Variants in XXYLT1 observed in about 807,000 individuals in gnomAD.
The protein encoded by XXYLT1 is UDP-xylose:alpha-xyloside alpha-1,3-xylosyltransferase.
In XXYLT1, 20 loss-of-function variants were observed where a neutral mutation model predicts 28.9. The ratio of observed to expected loss-of-function variants is 0.69; its 90% CI spans 0.49 to 1.00. The LOEUF (loss-of-function observed/expected upper bound fraction) is 1.00. XXYLT1 is among the 50% of genes least tolerant of loss of function. The pLI, the probability that XXYLT1 is intolerant of heterozygous loss-of-function variation, is 0.00. For missense variants in XXYLT1, 542 were observed against 560.1 expected (o/e 0.97, Z 0.33); for synonymous variants, 257 against 253.8 (o/e 1.01, Z -0.12).
At chr3:195,106,331 CTTG>C (rs1220989187) in intron 3 of XXYLT1, among the ~76,000 whole-genome samples, 5 of 152,206 alleles carry the variant, frequency 3.3e-5, no homozygotes, top group Admixed American at 6.5e-5. Flanking sequence ...GAGAGATGCT[CTTG>C]TTGTGTTTTT....
At position 195,176,883 on chromosome 3, in the gene XXYLT1, C is replaced by G. The variant is rs931211900; in HGVS notation, c.653-20302G>C. ...AGGTGATCTGAGAGGTAGGACAAGG[C>G]CGACTCCTTGGAACCAGCAAGAAAC... On this transcript the variant is annotated intron_variant, in intron 2 of 3. Transcript: ENST00000310380. The surrounding 1 kb of genome is among the most constrained non-coding windows in gnomAD (Gnocchi z 4.9). Among the ~76,000 whole-genome samples, 2 of 152,224 alleles carry G rather than the reference C, an allele frequency of 1.3e-5. No homozygotes were observed. The highest frequency in any genetic ancestry group is 4.8e-5 in the African/African-American group (2 of 41,458).
chr3:195,271,043 C>G lies in XXYLT1; in HGVS notation c.16G>C (p.Gly6Arg). The G allele has an allele frequency of 6.9e-7, 1 of 1,447,774 alleles. No homozygotes were observed. The highest frequency in any genetic ancestry group is 9.0e-7 in the Non-Finnish European group (1 of 1,105,058). The allele number at this position is 1,447,774 out of a possible 1,614,324, so 89.7% of individuals were successfully genotyped here. The change falls in exon 1 of 4, where the codon GGC becomes CGC. Residue 6 changes from glycine (G) to arginine (R), a missense_variant. Gly to Arg is a moderately radical substitution (Grantham distance 125, BLOSUM62 -2). Transcript: ENST00000310380. MGLLR[G>R]GLPCARAMAR... ...ATGGCCCGAGCGCATGGGAGCCCGCCTCGGAGGAGGCCCATGCGCTACGAG... is the reference window on the plus strand; with the variant it reads ...ATGGCCCGAGCGCATGGGAGCCCGCGTCGGAGGAGGCCCATGCGCTACGAG...
chr3:195,237,851 A>T (rs994651761), intron 1 of XXYLT1, among the ~76,000 whole-genome samples: 1 of 151,992 alleles, frequency 6.6e-6, no homozygotes, highest in African/African-American at 2.4e-5. Flanking sequence ...CAGACACAGA[A>T]TCCAGACCAG....
intron 2 of XXYLT1, among the ~76,000 whole-genome samples, chr3:195,196,620 A>G (rs1405053839): frequency 6.6e-6 from 1 of 152,208 alleles, no homozygotes; most frequent in Non-Finnish European, 1.5e-5. Context: ...GGGAGGGAGA[A>G]AGGAGGCCTC....
intron 3 of XXYLT1, among the ~76,000 whole-genome samples, chr3:195,081,225 A>AG (rs1715415200): frequency 6.6e-6 from 1 of 152,154 alleles, no homozygotes; most frequent in Admixed American, 6.5e-5. Context: ...CACTAAAAAA[A>AG]AAAAAGCGTT....
At chr3:195,128,121 C>T (rs1363651955) in intron 3 of XXYLT1, among the ~76,000 whole-genome samples, 1 of 152,188 alleles carries the variant, frequency 6.6e-6, no homozygotes, top group Non-Finnish European at 1.5e-5. Flanking sequence ...GGCCACACCA[C>T]TGGTGGGAGG....
At chr3:195,130,551 G>A (rs1167928446) in intron 3 of XXYLT1, among the ~76,000 whole-genome samples, 1 of 152,234 alleles carries the variant, frequency 6.6e-6, no homozygotes, top group Admixed American at 6.5e-5. Flanking sequence ...TACGGGTGAA[G>A]TGTAGATCAG....
At chr3:195,084,549 T>C (rs529703658) in intron 3 of XXYLT1, among the ~76,000 whole-genome samples, 174 of 152,282 alleles carry the variant, frequency 1.1e-3, no homozygotes, top group Non-Finnish European at 2.2e-3. Context: ...TGTAATGTAT[T>C]TCATGCAACC....
intron 2 of XXYLT1, among the ~76,000 whole-genome samples, chr3:195,179,126 G>T (rs1721817924): frequency 6.6e-6 from 1 of 152,020 alleles, no homozygotes; most frequent in Non-Finnish European, 1.5e-5. Context: ...CGGATCATGA[G>T]GTCAGGAGAT....
At chr3:195,149,058 A>G (rs1262183722) in intron 3 of XXYLT1, among the ~76,000 whole-genome samples, 1 of 152,212 alleles carries the variant, frequency 6.6e-6, no homozygotes, top group Non-Finnish European at 1.5e-5. Flanking sequence ...ACTTTTGTAT[A>G]TGTTGAAAGG....
At chr3:195,152,019 C>G (rs530454559) in intron 3 of XXYLT1, among the ~76,000 whole-genome samples, 1 of 152,274 alleles carries the variant, frequency 6.6e-6, no homozygotes, top group East Asian at 1.9e-4. Context: ...CACTTACAGA[C>G]CAAACAACAG....
rs74691388 is a variant in XXYLT1, at chr3:195,076,373, G to A, written c.786-6262C>T. Among the ~76,000 whole-genome samples the A allele has an allele frequency of 0.024, 3,546 of 150,410 alleles. 121 individuals carry two copies. Among genetic ancestry groups the A allele is most frequent in the African/African-American group, 0.08 (3,273 of 41,144 alleles). ...CACAGACATTGGAACTCGACCGCGC[G>A]TGTTCCCGGAGTCTGAGTCGTTTTG... On this transcript the variant is annotated intron_variant, in intron 3 of 3. Transcript: ENST00000310380. The surrounding 1 kb of genome is among the most constrained non-coding windows in gnomAD (Gnocchi z 5.3).
chr3:195,256,665 T>G lies in XXYLT1; in HGVS notation c.504+13890A>C. The G allele has an allele frequency of 2.4e-6, 2 of 830,010 alleles. No homozygotes were observed. The highest frequency in any genetic ancestry group is 2.9e-6 in the Non-Finnish European group (2 of 687,938). 51.4% of individuals were successfully genotyped at this position (830,010 alleles called of 1,614,324 possible). A position where few individuals can be genotyped will look rare whatever the true frequency, so the allele number is the denominator to read the frequency against. On this transcript the variant is annotated intron_variant, in intron 1 of 3. Transcript: ENST00000310380. This position sits in a 1 kb window ranked among gnomAD's most constrained non-coding sequence, Gnocchi z 4.2. ...CGCCTGGAAGAGAACAGACTGTTAC[T>G]CAGAGCCGGAGCGTCCCCACTCCTC...
At chr3:195,100,662 AGGCT>A (rs1716727511) in intron 3 of XXYLT1, among the ~76,000 whole-genome samples, 1 of 151,948 alleles carries the variant, frequency 6.6e-6, no homozygotes, top group Non-Finnish European at 1.5e-5. Flanking sequence ...ACCCTCACTG[AGGCT>A]GTGGTGCCCT....
intron 1 of XXYLT1, among the ~76,000 whole-genome samples, chr3:195,229,117 C>A (rs1404795726): frequency 6.6e-6 from 1 of 152,144 alleles, no homozygotes; most frequent in Non-Finnish European, 1.5e-5. Context: ...CGGCCTGTAT[C>A]TCTTACATAG....
chr3:195,162,768 T>G (rs1720934542), intron 2 of XXYLT1, among the ~76,000 whole-genome samples: 1 of 152,198 alleles, frequency 6.6e-6, no homozygotes, highest in African/African-American at 2.4e-5. Flanking sequence ...GCTGAAAAAT[T>G]TGGGGGACTT....
At chr3:195,113,755 C>T (rs75479213) in intron 3 of XXYLT1, among the ~76,000 whole-genome samples, 2,036 of 152,104 alleles carry the variant, frequency 0.013, 36 homozygotes, top group African/African-American at 0.047. Context: ...GGCAAAGAGG[C>T]GGAAAGGGGT....
chr3:195,217,826 A>G (rs577659636), intron 2 of XXYLT1, among the ~76,000 whole-genome samples: 4 of 142,914 alleles, frequency 2.8e-5, no homozygotes, highest in Non-Finnish European at 4.5e-5. Context: ...TAAAGTTCAT[A>G]TGGAACCAAA....
chr3:195,102,124 ATCTGAG>A (rs1188050304), intron 3 of XXYLT1, among the ~76,000 whole-genome samples: 1 of 152,076 alleles, frequency 6.6e-6, no homozygotes, highest in Non-Finnish European at 1.5e-5. Flanking sequence ...TGTCTGGTAT[ATCTGAG>A]TCTATGTTTT....
Sources: gnomAD v4.1 joint callset for allele counts (sites outside exome capture counted in the v4.1 genomes callset) on GRCh38, gnomAD v4.1.1 for gene constraint, Gnocchi (gnomAD v3.1) non-coding constraint, MANE v1.5 for transcripts, NCBI Gene and HGNC (gene_info 2026-07-23, HGNC 2026-07-21) for gene names.